The following DCTN4 variants were observed in gnomAD, a reference collection of about 807,000 sequenced individuals.
DCTN4 encodes dynactin 4 (p62).
Under a neutral mutation model 62.7 loss-of-function variants are expected in DCTN4, and 23 were observed. The ratio of observed to expected loss-of-function variants is 0.37; its 90% CI spans 0.26 to 0.52. The LOEUF (loss-of-function observed/expected upper bound fraction) is 0.52, where lower values mean the gene tolerates loss of function less well. Ranked by LOEUF, DCTN4 falls within the 20% of genes least tolerant of loss-of-function variation. The pLI, the probability that DCTN4 is intolerant of heterozygous loss-of-function variation, is 0.92. For synonymous variants in DCTN4, 199 were observed against 202.1 expected, an observed-to-expected ratio of 0.98 and a Z score of 0.13; for missense variants, 514 against 580.4, an observed-to-expected ratio of 0.89 and a Z score of 1.18.
intron 2 of DCTN4, among the ~76,000 whole-genome samples, chr5:150,754,155 T>G (rs1752774848): frequency 6.6e-6 from 1 of 152,220 alleles, no homozygotes; most frequent in South Asian, 2.1e-4. Flanking sequence ...CAGGGCTTTC[T>G]GTTCTCTCCT....
intron 8 of DCTN4, among the ~76,000 whole-genome samples, chr5:150,727,742 C>G (rs1469332854): frequency 1.6e-5 from 2 of 127,340 alleles, no homozygotes; most frequent in African/African-American, 5.9e-5. Context: ...CGCCACTGCA[C>G]TCCAGCCTGG....
chr5:150,753,728 A>C (rs1752760087), intron 2 of DCTN4, 71 bp from the exon 3 acceptor site: 1 of 1,460,794 alleles, frequency 6.8e-7, no homozygotes, highest in Admixed American at 2.2e-5. Context: ...AACAAATATA[A>C]GGACAAGTGT....
chr5:150,747,749 G>A (rs541574150), intron 3 of DCTN4, among the ~76,000 whole-genome samples: 5 of 149,846 alleles, frequency 3.3e-5, no homozygotes, highest in African/African-American at 1.2e-4. Flanking sequence ...GTAGAAAGCT[G>A]AAACTGGATC....
rs898550626 is a variant in DCTN4 at position 150,745,443 on chromosome 5, T to A, written c.386-3286A>T. 5.3e-5 allele frequency among the ~76,000 whole-genome samples: 8 copies of A among 152,118 alleles called. No homozygotes were observed. The East Asian group carries it at 5.8e-4, about 11-fold the overall frequency. On this transcript the variant is annotated intron_variant, in intron 3 of 12. Coordinates refer to ENST00000447998, the MANE Select transcript of DCTN4 (RefSeq NM_016221.4). ...ACTCAGCTCTGCACCAACCAGACCT[T>A]ATAGACATCTACAGAACTCTCCACC...
Position 150,756,439 on chromosome 5 carries a change from C to T in DCTN4, c.184G>A (p.Glu62Lys). ...TACCTATTCTTTTTTAGTTTGGCTTCAGCCGATGGCATATTTTCTAAACAA... is the reference window on the plus strand; with the variant it reads ...TACCTATTCTTTTTTAGTTTGGCTTTAGCCGATGGCATATTTTCTAAACAA... ...PSCLENMPSAEAKLKKNRCAN... is the reference protein window; with the variant it reads ...PSCLENMPSAKAKLKKNRCAN... The change falls in exon 2 of 13, where the codon GAA (glutamate) becomes AAA (lysine). Residue 62 changes from glutamate to lysine, a missense_variant. By Grantham distance (56) the Glu-to-Lys change is moderately conservative (BLOSUM62 1). Coordinates refer to ENST00000447998, the MANE Select transcript of DCTN4 (RefSeq NM_016221.4). The T allele has an allele frequency of 6.2e-7, 1 of 1,601,546 alleles. No individual in the cohort carries two copies. Among genetic ancestry groups the T allele is most frequent in the Non-Finnish European group, 8.5e-7 (1 of 1,175,128 alleles).
In DCTN4 at chr5:150,730,749, A is replaced by G; in HGVS notation, c.725-9T>C. On this transcript the variant is annotated splice_polypyrimidine_tract_variant and intron_variant, in intron 7 of 12. Transcript: ENST00000447998. ...CTGCTGAAGGGTTGTTACTAGAAAG[A>G]AAGGCAGAAAACAGGCTTAGTTTAC... 6.2e-7 allele frequency: 1 copy of G among 1,612,304 alleles called. No individual in the cohort carries two copies. The highest frequency in any genetic ancestry group is 8.5e-7 in the Non-Finnish European group (1 of 1,178,744).
rs1464272345 is a variant in DCTN4, at chr5:150,709,585, G to A, written c.*1564C>T. 1 of 152,352 alleles carries A rather than the reference G, an allele frequency of 6.6e-6. No individual in the cohort carries two copies. Among genetic ancestry groups the A allele is most frequent in the Non-Finnish European group, 1.5e-5 (1 of 68,040 alleles). The allele number at this position is 152,352 out of a possible 1,614,324, so 9.4% of individuals were successfully genotyped here. On this transcript the variant is annotated 3_prime_UTR_variant, in exon 13 of 13. Coordinates refer to ENST00000447998, the MANE Select transcript of DCTN4 (RefSeq NM_016221.4). ...GTTATTACCATAATGTTAGAGATGA[G>A]TATTTTCCTTCTTACACTGCATCAC...
intron 8 of DCTN4, among the ~76,000 whole-genome samples, chr5:150,726,645 TATC>T (rs557346956): frequency 9.7e-4 from 148 of 152,310 alleles, no homozygotes; most frequent in African/African-American, 3.3e-3. Context: ...AATACAGTTT[TATC>T]ATATTAAAGA....
intron 4 of DCTN4, among the ~76,000 whole-genome samples, chr5:150,740,293 A>G (rs1760722683): frequency 6.6e-6 from 1 of 152,180 alleles, no homozygotes; most frequent in African/African-American, 2.4e-5. Context: ...AAGATACACA[A>G]ATGGCCAACA....
intron 4 of DCTN4, among the ~76,000 whole-genome samples, chr5:150,740,913 G>A (rs1028994705): frequency 5.3e-5 from 8 of 152,126 alleles, no homozygotes; most frequent in African/African-American, 1.7e-4. Flanking sequence ...AGCTGGGAAG[G>A]GGGTGAGGAT....
intron 5 of DCTN4, among the ~76,000 whole-genome samples, chr5:150,733,074 C>T (rs1760443957): frequency 6.6e-6 from 1 of 152,162 alleles, no homozygotes; most frequent in African/African-American, 2.4e-5. Flanking sequence ...TACACAAAAG[C>T]TGTACGTGGA....
chr5:150,744,919 G>T (rs1384892785), intron 3 of DCTN4, among the ~76,000 whole-genome samples: 1 of 150,642 alleles, frequency 6.6e-6, no homozygotes, highest in African/African-American at 2.5e-5. Flanking sequence ...CATCATGACA[G>T]GATCAAATTC....
chr5:150,742,231 A>T, intron 3 of DCTN4, 74 bp from the exon 4 acceptor site: 1 of 1,461,708 alleles, frequency 6.8e-7, no homozygotes, highest in Non-Finnish European at 9.6e-7. Context: ...AGTCTTCTGT[A>T]GGCCATAAAA....
intron 3 of DCTN4, among the ~76,000 whole-genome samples, chr5:150,744,496 A>G (rs1261087921): frequency 3.3e-5 from 5 of 152,222 alleles, no homozygotes; most frequent in Non-Finnish European, 7.3e-5. Context: ...TGTCAGATTC[A>G]CCAAAGTTGA....
At chr5:150,756,288 C>T in intron 2 of DCTN4, 129 bp downstream of exon 2, 1 of 538,272 alleles carries the variant, frequency 1.9e-6, no homozygotes, top group Non-Finnish European at 3.2e-6. Flanking sequence ...TGATCCCTGC[C>T]TCCGCCTCCC....
At chr5:150,736,647 A>G (rs1356442633) in intron 4 of DCTN4, among the ~76,000 whole-genome samples, 3 of 152,170 alleles carry the variant, frequency 2.0e-5, no homozygotes, top group Non-Finnish European at 4.4e-5. Context: ...ACACACCAAA[A>G]TATAACCTCC....
chr5:150,727,018 A>G (rs902861565), intron 8 of DCTN4, among the ~76,000 whole-genome samples: 1 of 152,186 alleles, frequency 6.6e-6, no homozygotes, highest in Non-Finnish European at 1.5e-5. Flanking sequence ...CCAGGTACTT[A>G]ATGTTTTTAA....
In DCTN4 at chr5:150,711,251, G is replaced by A. The variant is rs749438388; in HGVS notation, c.1281C>T (p.Asn427=). 1.1e-5 allele frequency: 18 copies of A among 1,613,112 alleles called. No individual in the cohort carries two copies. The Admixed American group carries it at 2.8e-4, about 25-fold the overall frequency. The change falls in exon 13 of 13, where the codon AAC becomes AAT. Residue 427 remains asparagine (N), a synonymous_variant. Transcript: ENST00000447998. ...VCFKMKHDFK[N]LAAPIRPIEE... ...CAATGGGGCGAATGGGGGCTGCCAG[G>A]TTTTTAAAATCATGCTTCATCTTGA...
chr5:150,731,567 G>A, intron 5 of DCTN4, 78 bp from the exon 6 acceptor site: 1 of 1,191,788 alleles, frequency 8.4e-7, no homozygotes, highest in African/African-American at 1.5e-5. Context: ...ATTTTGGGTA[G>A]GATAGCATGA....
Sources: allele counts gnomAD v4.1 joint callset (sites outside exome capture counted in the v4.1 genomes callset), GRCh38; gene constraint gnomAD v4.1.1; transcripts MANE v1.5; gene names NCBI Gene and HGNC (gene_info 2026-07-23, HGNC 2026-07-21).